The following LRP1B variants were observed in gnomAD, a reference collection of about 807,000 sequenced individuals.
The protein encoded by LRP1B is LDL receptor related protein 1B.
Under a neutral mutation model 556.6 loss-of-function variants are expected in LRP1B, and 217 were observed. The ratio of observed to expected loss-of-function variants is 0.39; its 90% CI spans 0.35 to 0.44. The LOEUF (loss-of-function observed/expected upper bound fraction) is 0.44. LRP1B is among the 20% of genes least tolerant of loss of function. LRP1B has a pLI of 1.00. For missense variants in LRP1B, 5,053 were observed against 5,620.8 expected (o/e 0.90, Z 3.23); for synonymous variants, 2,047 against 1,865.8 (o/e 1.10, Z -2.50).
intron 45 of LRP1B, among the ~76,000 whole-genome samples, chr2:140,539,863 A>G (rs1489486611): frequency 6.6e-6 from 1 of 152,156 alleles, no homozygotes; most frequent in Non-Finnish European, 1.5e-5. Flanking sequence ...AATTTTGACC[A>G]ATTGCATCAT....
chr2:140,452,196 A>G (rs1377219419), intron 62 of LRP1B, among the ~76,000 whole-genome samples: 1 of 152,152 alleles, frequency 6.6e-6, no homozygotes, highest in Non-Finnish European at 1.5e-5. Context: ...TATTGTTCCT[A>G]CTAACTTCAT....
intron 7 of LRP1B, among the ~76,000 whole-genome samples, chr2:141,111,582 C>T (rs60708882): frequency 0.012 from 1,780 of 152,212 alleles, 46 homozygotes; most frequent in African/African-American, 0.041. Flanking sequence ...TAAGGACCCA[C>T]ATGCATACTA....
chr2:141,414,129 C>G (rs565785499), intron 3 of LRP1B, among the ~76,000 whole-genome samples: 3 of 149,938 alleles, frequency 2.0e-5, no homozygotes, highest in Non-Finnish European at 3.0e-5. Flanking sequence ...CCCAGCTACT[C>G]GGGAGACTGA....
intron 77 of LRP1B, among the ~76,000 whole-genome samples, chr2:140,340,771 C>G (rs1038262773): frequency 6.6e-6 from 1 of 151,038 alleles, no homozygotes; most frequent in Non-Finnish European, 1.5e-5. Context: ...TTTGGTATAT[C>G]GAAACCAGGC....
At position 141,325,271 on chromosome 2, in the gene LRP1B, G is replaced by A. The variant is rs562472043; in HGVS notation, c.344-70630C>T. On this transcript the variant is annotated intron_variant, in intron 3 of 90. Coordinates refer to ENST00000389484, the MANE Select transcript of LRP1B (RefSeq NM_018557.3). ...TTTGGGCAGATATCACTTGGAAGAT[G>A]GGTCAACATTCATGGTCATTTATTT... 3.3e-5 allele frequency among the ~76,000 whole-genome samples: 5 copies of A among 152,080 alleles called. No individual in the cohort carries two copies. The South Asian group carries it at 1.0e-3, about 32-fold the overall frequency.
intron 2 of LRP1B, among the ~76,000 whole-genome samples, chr2:141,547,805 T>A (rs552628698): frequency 6.6e-6 from 1 of 152,274 alleles, no homozygotes; most frequent in East Asian, 1.9e-4. Flanking sequence ...AATTATCTAT[T>A]TAATTTATTA....
chr2:141,735,043 A>T (rs1421808618), intron 2 of LRP1B, among the ~76,000 whole-genome samples: 3 of 152,002 alleles, frequency 2.0e-5, no homozygotes, highest in Non-Finnish European at 4.4e-5. Context: ...AGCTAATCCT[A>T]CTCCAGCTAT....
intron 2 of LRP1B, among the ~76,000 whole-genome samples, chr2:141,697,248 C>T (rs2105455442): frequency 6.6e-6 from 1 of 151,956 alleles, no homozygotes; most frequent in South Asian, 2.1e-4. Context: ...AAATTTGTCA[C>T]CCCATGCATT....
intron 11 of LRP1B, among the ~76,000 whole-genome samples, chr2:141,020,842 G>A (rs1381746195): frequency 6.6e-6 from 1 of 151,944 alleles, no homozygotes; most frequent in Non-Finnish European, 1.5e-5. Context: ...AGTGAAGGCA[G>A]TTACTTATGG....
At chr2:141,362,838 A>G (rs894886834) in intron 3 of LRP1B, among the ~76,000 whole-genome samples, 1 of 151,930 alleles carries the variant, frequency 6.6e-6, no homozygotes, top group African/African-American at 2.4e-5. Flanking sequence ...AAAAAACTTA[A>G]CGTAATGATG....
intron 3 of LRP1B, among the ~76,000 whole-genome samples, chr2:141,314,895 C>CATAT (rs751592864): frequency 0.01 from 1,332 of 133,060 alleles, 11 homozygotes; most frequent in Non-Finnish European, 0.014. Flanking sequence ...TACATATATA[C>CATAT]ATATATATAT....
chr2:141,753,831 AT>A (rs1312541856), intron 2 of LRP1B, among the ~76,000 whole-genome samples: 1 of 152,040 alleles, frequency 6.6e-6, no homozygotes, highest in African/African-American at 2.4e-5. Flanking sequence ...TTAAATAAAT[AT>A]TTTTTACTCA....
At chr2:140,264,054 T>G (rs960479802) in intron 86 of LRP1B, among the ~76,000 whole-genome samples, 2 of 152,082 alleles carry the variant, frequency 1.3e-5, no homozygotes, top group Non-Finnish European at 2.9e-5. Flanking sequence ...TTCTCACGCC[T>G]CTCTTCTTGG....
chr2:142,045,494 T>C (rs1704225715), intron 1 of LRP1B, among the ~76,000 whole-genome samples: 1 of 151,884 alleles, frequency 6.6e-6, no homozygotes, highest in Non-Finnish European at 1.5e-5. Flanking sequence ...TTTCACTTTA[T>C]AGACATTGTT....
chr2:140,722,170 C>A (rs909242895), intron 35 of LRP1B, among the ~76,000 whole-genome samples: 15 of 152,158 alleles, frequency 9.9e-5, no homozygotes, highest in Non-Finnish European at 2.1e-4. Flanking sequence ...CCATTAGATT[C>A]ATCTTTTCTG....
Position 141,148,849 on chromosome 2 carries a change from C to T in LRP1B, c.1013+39572G>A, listed in dbSNP as rs201447613. On this transcript the variant is annotated intron_variant, in intron 7 of 90. Transcript: ENST00000389484. ...CTGTAATCCCAACACTGTGGGAGGCCGAGGCAGGCGGATCACTTGAGGTTG... is the reference window on the plus strand; with the variant it reads ...CTGTAATCCCAACACTGTGGGAGGCTGAGGCAGGCGGATCACTTGAGGTTG... 5.6e-4 allele frequency among the ~76,000 whole-genome samples: 85 copies of T among 152,112 alleles called. 1 individual carries two copies. In the East Asian group the frequency reaches 0.015, roughly 27 times the overall value.
At chr2:141,352,383 AT>A (rs904472628) in intron 3 of LRP1B, among the ~76,000 whole-genome samples, 5 of 151,728 alleles carry the variant, frequency 3.3e-5, no homozygotes, top group African/African-American at 1.2e-4. Flanking sequence ...CCTTTTTAAA[AT>A]TTTTTTTATT....
rs755548515 is a variant in LRP1B, at chr2:140,883,876, A to G, written c.4110T>C (p.Thr1370=). 6.2e-7 allele frequency: 1 copy of G among 1,613,922 alleles called. No individual in the cohort carries two copies. The highest frequency in any genetic ancestry group is 1.7e-5 in the Admixed American group (1 of 59,984). ...EVAKLDGSLR[T]TLIAGAMEHP... ...GTTCCATGGCTCCTGCTATTAGTGTAGTTCTTAGGGAGCCATCTAGTTTGG... is the reference window on the plus strand; with the variant it reads ...GTTCCATGGCTCCTGCTATTAGTGTGGTTCTTAGGGAGCCATCTAGTTTGG... The change falls in exon 25 of 91, where the codon ACT becomes ACC. Residue 1370 remains threonine (T), a synonymous_variant. Transcript: ENST00000389484.
chr2:141,670,766 T>G (rs1690636515), intron 2 of LRP1B, among the ~76,000 whole-genome samples: 1 of 152,242 alleles, frequency 6.6e-6, no homozygotes, highest in East Asian at 1.9e-4. Context: ...CACTTAGTTC[T>G]CAACTGAGAA....
Sources: allele counts gnomAD v4.1 joint callset (sites outside exome capture counted in the v4.1 genomes callset), GRCh38; gene constraint gnomAD v4.1.1; transcripts MANE v1.5; gene names NCBI Gene and HGNC (gene_info 2026-07-23, HGNC 2026-07-21).